The following DDX55 variants were observed in gnomAD, a reference collection of about 807,000 sequenced individuals.
DDX55 encodes ATP-dependent RNA helicase DDX55.
DDX55 carries 56 observed loss-of-function variants against 69.2 expected under a neutral mutation model. The observed-to-expected ratio is 0.81, with a 90% CI of 0.65 to 1.01. DDX55 has a LOEUF of 1.01. Among genes scored for constraint, DDX55 ranks in the 50% least tolerant of loss-of-function variants. The pLI is 0.00. For synonymous variants in DDX55, 268 were observed against 273.1 expected (o/e 0.98, Z 0.18); for missense variants, 720 against 745.1 (o/e 0.97, Z 0.39).
chr12:123,603,455 G>A (rs946305939), intron 1 of DDX55, among the ~76,000 whole-genome samples: 5 of 149,934 alleles, frequency 3.3e-5, no homozygotes, highest in African/African-American at 4.9e-5. Context: ...GCAGTGGCGC[G>A]ATCTCGGCTC....
At chr12:123,617,680 A>G in intron 10 of DDX55, 78 bp from the exon 11 acceptor site, 7 of 1,331,328 alleles carry the variant, frequency 5.3e-6, no homozygotes, top group East Asian at 2.4e-5. Flanking sequence ...TTTTAGCTGC[A>G]GCAGCCATGT....
rs761122920 is a variant in DDX55, at chr12:123,608,706, G to T, written c.428G>T (p.Gly143Val). ...GGGAACATCATTGTGGCCACTCCAG[G>T]CCGCTTGGAGGACATGTTCCGGAGG... is the stretch of plus-strand genomic sequence containing the variant. ...QGGNIIVATPGRLEDMFRRKA... is the reference protein window; with the variant it reads ...QGGNIIVATPVRLEDMFRRKA... The change falls in exon 6 of 14, where the codon GGC becomes GTC. Residue 143 changes from glycine (G) to valine (V), a missense_variant. Transcript: ENST00000238146. 26 of 1,613,894 alleles carry T rather than the reference G, an allele frequency of 1.6e-5. No individual in the cohort carries two copies. Among genetic ancestry groups the T allele is most frequent in the Non-Finnish European group, 1.4e-5 (17 of 1,180,014 alleles).
intron 8 of DDX55, 65 bp downstream of exon 8, chr12:123,613,317 C>T: frequency 6.5e-7 from 1 of 1,530,622 alleles, no homozygotes; most frequent in Non-Finnish European, 9.0e-7. Context: ...GTGCATGCGG[C>T]CTTTGGGTTT....
At chr12:123,608,081 G>T in intron 5 of DDX55, 1 of 227,170 alleles carries the variant, frequency 4.4e-6, no homozygotes, top group Non-Finnish European at 8.8e-6. Flanking sequence ...CTGTTGGCGT[G>T]TAATCCACAT....
In DDX55 at chr12:123,613,281, A is replaced by G. The variant is rs373062073; in HGVS notation, c.824+29A>G. On this transcript the variant is annotated intron_variant, in intron 8 of 13. Transcript: ENST00000238146. Reference sequence around the variant, plus strand: ...CTCCTCTGGTCTCTGTGGTAGAGGCATCAGGGATTCAGCCAGAATGTGCAG... The same window carrying G: ...CTCCTCTGGTCTCTGTGGTAGAGGCGTCAGGGATTCAGCCAGAATGTGCAG... 5.6e-6 allele frequency: 9 copies of G among 1,606,640 alleles called. No individual in the cohort carries two copies. The African/African-American group carries it at 6.7e-5, about 12-fold the overall frequency.
chr12:123,614,379 A>G (rs1954498289), intron 8 of DDX55, among the ~76,000 whole-genome samples: 1 of 152,226 alleles, frequency 6.6e-6, no homozygotes, highest in Non-Finnish European at 1.5e-5. Flanking sequence ...GCAGTAGTGC[A>G]GTAGTCTGGT....
intron 7 of DDX55, among the ~76,000 whole-genome samples, chr12:123,610,482 G>C (rs1197428936): frequency 6.6e-6 from 1 of 152,020 alleles, no homozygotes. Flanking sequence ...GGCATAGTTA[G>C]ATGTGCAGGT....
At position 123,603,575 on chromosome 12, in the gene DDX55, AGATACGGG is replaced by A. The variant is rs557804615; in HGVS notation, c.108+1321_108+1328del. 1.4e-4 allele frequency among the ~76,000 whole-genome samples: 21 copies of A among 151,902 alleles called. 1 individual carries two copies. The South Asian group carries it at 4.2e-3, about 30-fold the overall frequency. On this transcript the variant is annotated intron_variant, in intron 1 of 13. Transcript: ENST00000238146. ...CCGGCTAATTTTTTGTATTTTTAGT[AGATACGGG>A]GTTTCACCATCTCGGCCAGGTTGGT...
chr12:123,609,815 T>C (rs1954104253), intron 6 of DDX55, 124 bp from the exon 7 acceptor site: 1 of 1,129,740 alleles, frequency 8.9e-7, no homozygotes, highest in Admixed American at 2.8e-5. Flanking sequence ...TCCCAGTGTA[T>C]GTGCTATAAA....
chr12:123,609,832 G>T (rs1051992793), intron 6 of DDX55, 107 bp from the exon 7 acceptor site: 1 of 1,343,346 alleles, frequency 7.4e-7, no homozygotes, highest in African/African-American at 1.5e-5. Flanking sequence ...TAAATATTTT[G>T]ATGGCTTCAC....
chr12:123,604,929 T>C (rs544988072), intron 1 of DDX55: 16 of 152,216 alleles, frequency 1.1e-4, no homozygotes, highest in African/African-American at 2.9e-4. Context: ...TTTTTTGTTA[T>C]GGGGCTGTCC....
intron 1 of DDX55, 194 bp from the exon 2 acceptor site, chr12:123,605,737 G>A: frequency 1.4e-6 from 1 of 728,962 alleles, no homozygotes; most frequent in Non-Finnish European, 2.4e-6. Flanking sequence ...TCAGCTCACT[G>A]TCCCCACACG....
chr12:123,607,366 G>C (rs1953953513), intron 3 of DDX55, 66 bp from the exon 4 acceptor site: 2 of 1,553,106 alleles, frequency 1.3e-6, no homozygotes, highest in East Asian at 4.6e-5. Context: ...AGGGCGGAGG[G>C]CCTATGAGTT....
At chr12:123,609,370 G>GTTTTT (rs1220679978) in intron 6 of DDX55, among the ~76,000 whole-genome samples, 1 of 124,696 alleles carries the variant, frequency 8.0e-6, no homozygotes, top group Admixed American at 8.3e-5. Flanking sequence ...TTTCCTTCAA[G>GTTTTT]TTTTTTTTTT....
intron 1 of DDX55, 115 bp from the exon 2 acceptor site, chr12:123,605,816 C>G: frequency 1.1e-5 from 16 of 1,407,562 alleles, no homozygotes; most frequent in African/African-American, 8.5e-5. Context: ...CTCAGAGCCC[C>G]TTTTGTGGTG....
At chr12:123,610,673 G>A (rs1157253077) in intron 7 of DDX55, among the ~76,000 whole-genome samples, 4 of 139,468 alleles carry the variant, frequency 2.9e-5, no homozygotes, top group Admixed American at 7.4e-5. Flanking sequence ...GTGCAGTGGC[G>A]CGATCTCAGC....
At position 123,620,493 on chromosome 12, in the gene DDX55, T is replaced by C. The variant is rs1593772370; in HGVS notation, c.*353T>C. ...AAACAATTCCAGTCTTGGAGTAGTC[T>C]AACAGAAGAAAATGTAAAATTATTT... On this transcript the variant is annotated 3_prime_UTR_variant, in exon 14 of 14. Coordinates refer to ENST00000238146, the MANE Select transcript of DDX55 (RefSeq NM_020936.3). 2 of 158,936 alleles carry C rather than the reference T, an allele frequency of 1.3e-5. No individual in the cohort carries two copies. 9.8% of individuals were successfully genotyped at this position (158,936 alleles called of 1,614,324 possible).
intron 9 of DDX55, among the ~76,000 whole-genome samples, chr12:123,616,110 A>G (rs1031562530): frequency 2.0e-5 from 3 of 152,214 alleles, no homozygotes; most frequent in African/African-American, 7.2e-5. Flanking sequence ...GACAAATAAT[A>G]GTTTTCTGTT....
At chr12:123,603,023 G>A (rs1953664445) in intron 1 of DDX55, among the ~76,000 whole-genome samples, 1 of 152,186 alleles carries the variant, frequency 6.6e-6, no homozygotes, top group Non-Finnish European at 1.5e-5. Flanking sequence ...GCGGCAGGCT[G>A]CAAATAGTTT....
Sources: allele counts gnomAD v4.1 joint callset (sites outside exome capture counted in the v4.1 genomes callset), GRCh38; gene constraint gnomAD v4.1.1; transcripts MANE v1.5; gene names NCBI Gene and HGNC (gene_info 2026-07-23, HGNC 2026-07-21).